GALNT13: variants seen among roughly 807,000 people sequenced by gnomAD.
GALNT13 encodes the protein polypeptide N-acetylgalactosaminyltransferase 13.
GALNT13 carries 28 observed loss-of-function variants against 64.2 expected under a neutral mutation model. The observed-to-expected ratio is 0.44, with a 90% CI of 0.32 to 0.60. The LOEUF is 0.60. Ranked by LOEUF, GALNT13 falls within the 20% of genes least tolerant of loss-of-function variation. The pLI is 0.05. For synonymous variants in GALNT13, 214 were observed against 224.6 expected (o/e 0.95, Z 0.42); for missense variants, 577 against 669.8 (o/e 0.86, Z 1.53).
the GALNT13 span, among the ~76,000 whole-genome samples, chr2:153,198,444 C>G: frequency 6.6e-6 from 1 of 152,184 alleles, no homozygotes; most frequent in Non-Finnish European, 1.5e-5. Context: ...GGACTATACA[C>G]CTCTCCTCTC....
chr2:153,688,346 T>C, the GALNT13 span, among the ~76,000 whole-genome samples: 1,025 of 152,120 alleles, frequency 6.7e-3, 9 homozygotes, highest in African/African-American at 0.023. Flanking sequence ...ATGAATAGCT[T>C]CAGAGGCTAT....
intron 9 of GALNT13, among the ~76,000 whole-genome samples, chr2:154,335,215 T>C (rs1190617034): frequency 6.8e-6 from 1 of 147,402 alleles, no homozygotes; most frequent in Non-Finnish European, 1.5e-5. Flanking sequence ...GTATAATATT[T>C]TCTTCAACTG....
chr2:153,118,147 C>CACACACATA, the GALNT13 span, among the ~76,000 whole-genome samples: 25 of 140,264 alleles, frequency 1.8e-4, no homozygotes, highest in African/African-American at 6.8e-4. Flanking sequence ...ACACACACAC[C>CACACACATA]CCACATAAAC....
chr2:153,640,984 G>A, the GALNT13 span, among the ~76,000 whole-genome samples: 1 of 152,044 alleles, frequency 6.6e-6, no homozygotes, highest in African/African-American at 2.4e-5. Flanking sequence ...AAGTCTCTTT[G>A]TGGAGTCTAA....
chr2:153,690,000 C>T, the GALNT13 span, among the ~76,000 whole-genome samples: 1 of 152,028 alleles, frequency 6.6e-6, no homozygotes, highest in East Asian at 1.9e-4. Context: ...ATTTATGCTT[C>T]AGTATGGATT....
the GALNT13 span, among the ~76,000 whole-genome samples, chr2:153,299,543 T>C: frequency 1.3e-5 from 2 of 152,230 alleles, no homozygotes; most frequent in Admixed American, 6.5e-5. Context: ...ATAGCCTTTT[T>C]CGAAGATGCA....
At chr2:154,208,015 A>G (rs1280571338) in intron 4 of GALNT13, among the ~76,000 whole-genome samples, 2 of 152,146 alleles carry the variant, frequency 1.3e-5, no homozygotes, top group Non-Finnish European at 2.9e-5. Context: ...TTCTATTTCA[A>G]TAATAAATAC....
At chr2:153,478,232 C>A in the GALNT13 span, 1 of 1,604,602 alleles carries the variant, frequency 6.2e-7, no homozygotes, top group Non-Finnish European at 8.5e-7. Context: ...GGGCAGAGGG[C>A]GGGTCAGTAG....
chr2:153,595,371 A>G, the GALNT13 span, among the ~76,000 whole-genome samples: 66 of 152,076 alleles, frequency 4.3e-4, 1 homozygote, highest in Non-Finnish European at 3.8e-4. Context: ...GTTTGTTTAT[A>G]ACAATAAATG....
At chr2:153,478,578 C>T in the GALNT13 span, 1 of 1,523,248 alleles carries the variant, frequency 6.6e-7, no homozygotes, top group Non-Finnish European at 8.8e-7. Flanking sequence ...CAGGAACGGG[C>T]GGGCGCCGCG....
chr2:153,489,754 C>T, the GALNT13 span, among the ~76,000 whole-genome samples: 2 of 152,086 alleles, frequency 1.3e-5, no homozygotes, highest in African/African-American at 4.8e-5. Context: ...TTCCTAGGAA[C>T]TATTGGTTCT....
chr2:153,435,090 C>G, the GALNT13 span, among the ~76,000 whole-genome samples: 1 of 152,146 alleles, frequency 6.6e-6, no homozygotes, highest in Non-Finnish European at 1.5e-5. Flanking sequence ...ATAGGGGATC[C>G]TTTCCCCATT....
intron 9 of GALNT13, among the ~76,000 whole-genome samples, chr2:154,372,259 C>T (rs1204405621): frequency 2.6e-5 from 4 of 152,022 alleles, no homozygotes; most frequent in Non-Finnish European, 5.9e-5. Flanking sequence ...TTTTGAAATT[C>T]GTCTAGTTCA....
intron 3 of GALNT13, among the ~76,000 whole-genome samples, chr2:154,138,140 G>A (rs1201182834): frequency 6.6e-6 from 1 of 152,032 alleles, no homozygotes; most frequent in East Asian, 1.9e-4. Flanking sequence ...ACTGCCCCTA[G>A]CTCCCTACCT....
At chr2:154,207,035 C>A (rs1687498747) in intron 4 of GALNT13, among the ~76,000 whole-genome samples, 1 of 152,092 alleles carries the variant, frequency 6.6e-6, no homozygotes, top group African/African-American at 2.4e-5. Context: ...TGCATTAAAT[C>A]CATGTTCCAC....
the GALNT13 span, among the ~76,000 whole-genome samples, chr2:153,234,653 ATC>A: frequency 6.6e-6 from 1 of 152,242 alleles, no homozygotes; most frequent in African/African-American, 2.4e-5. Context: ...ATATTTTTTC[ATC>A]TGTCTGCCTC....
intron 3 of GALNT13, among the ~76,000 whole-genome samples, chr2:154,118,675 G>A (rs1228852862): frequency 6.6e-6 from 1 of 151,578 alleles, no homozygotes; most frequent in African/African-American, 2.4e-5. Context: ...TGCTTTGAAT[G>A]CAGGCATTCA....
intron 3 of GALNT13, among the ~76,000 whole-genome samples, chr2:154,094,421 C>T (rs561567825): frequency 6.6e-6 from 1 of 152,070 alleles, no homozygotes; most frequent in Non-Finnish European, 1.5e-5. Flanking sequence ...CTAAGGCACT[C>T]ATTTTATAAC....
At chr2:153,101,833 A>T in the GALNT13 span, among the ~76,000 whole-genome samples, 1 of 152,244 alleles carries the variant, frequency 6.6e-6, no homozygotes, top group Non-Finnish European at 1.5e-5. Context: ...CTTTGCGTAG[A>T]AATAAAGGTT....
Sources: gnomAD v4.1 joint callset for allele counts (sites outside exome capture counted in the v4.1 genomes callset) on GRCh38, gnomAD v4.1.1 for gene constraint, MANE v1.5 for transcripts, NCBI Gene and HGNC (gene_info 2026-07-23, HGNC 2026-07-21) for gene names.